Variants in TMEM116 observed in about 807,000 individuals in gnomAD.
TMEM116 encodes the protein transmembrane protein 116.
TMEM116 carries 38 observed loss-of-function variants against 44.3 expected under a neutral mutation model. The ratio of observed to expected loss-of-function variants is 0.86; its 90% CI spans 0.66 to 1.12. The LOEUF is 1.12. TMEM116 is among the 50% of genes most tolerant of loss of function. The probability of loss-of-function intolerance (pLI) is 0.00; values close to 1 mark genes in which losing one functional copy is unlikely to be tolerated. For missense variants in TMEM116, 354 were observed against 401.7 expected, an observed-to-expected ratio of 0.88 and a Z score of 1.01; for synonymous variants, 132 against 144.8, an observed-to-expected ratio of 0.91 and a Z score of 0.64.
intron 8 of TMEM116, 104 bp from the exon 9 acceptor site, chr12:111,934,134 A>C: frequency 4.7e-6 from 6 of 1,278,430 alleles, no homozygotes; most frequent in Admixed American, 2.5e-5. Flanking sequence ...GAATCTCACA[A>C]CAGGAACGAC....
Position 111,931,676 on chromosome 12 carries a change from A to C in TMEM116, c.959T>G (p.Leu320Ter). The C allele has an allele frequency of 6.2e-7, 1 of 1,614,204 alleles. No individual in the cohort carries two copies. Among genetic ancestry groups the C allele is most frequent in the Non-Finnish European group, 8.5e-7 (1 of 1,180,030 alleles). The change falls in exon 11 of 11, where the codon TTA (leucine) becomes TGA (stop). Residue 320 changes from leucine to a stop codon, truncating the protein, a stop_gained. Transcript: ENST00000552374. LOFTEE classifies it high-confidence loss of function. ...AGTCAGGGTGGATTCCAGTGAATTT[A>C]AGCCCCTGCTATAGAATCTCTTCTG... The part of the protein sequence containing the change: ...CSQKRFYSRG[L>*]NSLESTLTFP...
At chr12:111,943,504 A>G in intron 4 of TMEM116, 135 bp from the exon 5 acceptor site, 1 of 647,698 alleles carries the variant, frequency 1.5e-6, no homozygotes, top group Non-Finnish European at 2.7e-6. Context: ...TAGTGTCCAT[A>G]CCAGGCAAAA....
chr12:111,958,289 A>T (rs1471894168), intron 4 of TMEM116, among the ~76,000 whole-genome samples: 2 of 133,340 alleles, frequency 1.5e-5, no homozygotes, highest in Admixed American at 9.0e-5. Flanking sequence ...AAAAAAAAAA[A>T]AAAAAAAAAA....
chr12:111,993,111 C>G (rs570185926), intron 3 of TMEM116: 76 of 217,938 alleles, frequency 3.5e-4, no homozygotes, highest in South Asian at 2.6e-3. Context: ...AAGGCCCCCC[C>G]ACTGCTCTCT....
At chr12:111,932,537 T>C (rs1363831797) in intron 10 of TMEM116, 49 bp downstream of exon 10, 1 of 1,485,766 alleles carries the variant, frequency 6.7e-7, no homozygotes, top group Middle Eastern at 1.7e-4. Flanking sequence ...TATAAGAAAA[T>C]AGGATAAGCG....
At chr12:111,972,076 G>GAAAA (rs762088997) in intron 4 of TMEM116, among the ~76,000 whole-genome samples, 676 of 57,168 alleles carry the variant, frequency 0.012, 7 homozygotes, top group African/African-American at 0.032. Context: ...CCCTATCTGT[G>GAAAA]AAAAAAAAAA....
At chr12:111,984,830 C>CA (rs1160813750) in intron 4 of TMEM116, among the ~76,000 whole-genome samples, 1 of 151,572 alleles carries the variant, frequency 6.6e-6, no homozygotes, top group Non-Finnish European at 1.5e-5. Flanking sequence ...TATGTACCCA[C>CA]AAAATTAAAA....
In TMEM116 at chr12:111,937,263, TCACCCTAATATC is replaced by T. The variant is rs1565868126; in HGVS notation, c.366-32_366-21del. 6.3e-7 allele frequency: 1 copy of T among 1,590,086 alleles called. No homozygotes were observed. The highest frequency in any genetic ancestry group is 8.6e-7 in the Non-Finnish European group (1 of 1,158,590). On this transcript the variant is annotated intron_variant, in intron 6 of 10. Coordinates refer to ENST00000552374, the MANE Select transcript of TMEM116 (RefSeq NM_001193531.2). ...ATCAGGCTGGGAGGGAAAAAAAGTA[TCACCCTAATATC>T]CACTCTTTTTCATGCCCTTCCTCCT...
At chr12:111,980,424 A>G (rs927655808) in intron 4 of TMEM116, among the ~76,000 whole-genome samples, 2 of 150,036 alleles carry the variant, frequency 1.3e-5, no homozygotes, top group African/African-American at 5.0e-5. Context: ...GAGTGTGCGA[A>G]AGATGAATAT....
At chr12:112,005,843 C>A in intron 1 of TMEM116, 1 of 898,412 alleles carries the variant, frequency 1.1e-6, no homozygotes, top group Non-Finnish European at 1.3e-6. Context: ...AACAGAGAAA[C>A]TGAAGAAAAG....
At chr12:111,979,043 A>G (rs76751969) in intron 4 of TMEM116, among the ~76,000 whole-genome samples, 2,265 of 152,344 alleles carry the variant, frequency 0.015, 63 homozygotes, top group African/African-American at 0.051. Context: ...TGTAAAACAC[A>G]AAAGTTCTAT....
chr12:111,954,238 G>C (rs2136331713), intron 4 of TMEM116, among the ~76,000 whole-genome samples: 1 of 152,286 alleles, frequency 6.6e-6, no homozygotes, highest in Non-Finnish European at 1.5e-5. Context: ...GTCACTGAGG[G>C]AGTGAGACTA....
chr12:111,941,234 G>A (rs2072787840), intron 5 of TMEM116, among the ~76,000 whole-genome samples: 1 of 152,076 alleles, frequency 6.6e-6, no homozygotes, highest in Non-Finnish European at 1.5e-5. Flanking sequence ...AAATTAGCTG[G>A]GTGTGGTGGC....
rs1200741265 is a variant in TMEM116, at chr12:111,991,948, T to C, written c.79-59A>G. 2.7e-6 allele frequency: 4 copies of C among 1,477,036 alleles called. No homozygotes were observed. In the African/African-American group the frequency reaches 4.2e-5, roughly 16 times the overall value. 91.5% of individuals were successfully genotyped at this position (1,477,036 alleles called of 1,614,324 possible). A position where few individuals can be genotyped will look rare whatever the true frequency, so the allele number is the denominator to read the frequency against. On this transcript the variant is annotated intron_variant, in intron 3 of 10. Transcript: ENST00000552374. ...GATGTAGCTAGGAGAATGTTAACAA[T>C]GTAACAGTTCTTACATTTTATGTTT...
intron 4 of TMEM116, among the ~76,000 whole-genome samples, chr12:111,986,980 T>C (rs771993551): frequency 2.6e-5 from 4 of 152,162 alleles, no homozygotes; most frequent in Non-Finnish European, 4.4e-5. Flanking sequence ...CTTCATAATG[T>C]TGGATTTGAA....
At chr12:111,969,761 G>T (rs147864869) in intron 4 of TMEM116, among the ~76,000 whole-genome samples, 3,732 of 149,236 alleles carry the variant, frequency 0.025, 159 homozygotes, top group African/African-American at 0.086. Flanking sequence ...TTGTATTTTA[G>T]TAGAGACGGG....
chr12:111,933,491 T>G (rs2071831897), intron 9 of TMEM116, among the ~76,000 whole-genome samples: 1 of 143,434 alleles, frequency 7.0e-6, no homozygotes, highest in Admixed American at 7.0e-5. Flanking sequence ...CCATCCTTCT[T>G]TTTTTTTTTT....
intron 4 of TMEM116, among the ~76,000 whole-genome samples, chr12:111,957,968 C>A (rs1175725289): frequency 2.0e-5 from 3 of 152,166 alleles, no homozygotes; most frequent in African/African-American, 4.8e-5. Flanking sequence ...TAATCTATAA[C>A]CTTACCCCCA....
intron 4 of TMEM116, among the ~76,000 whole-genome samples, chr12:111,989,837 G>C (rs1442290113): frequency 1.3e-5 from 2 of 152,144 alleles, no homozygotes; most frequent in Non-Finnish European, 2.9e-5. Context: ...GATGGAAACA[G>C]GAATGCTTGT....
Sources: gnomAD v4.1 joint callset for allele counts (sites outside exome capture counted in the v4.1 genomes callset) on GRCh38, gnomAD v4.1.1 for gene constraint, MANE v1.5 for transcripts, NCBI Gene and HGNC (gene_info 2026-07-23, HGNC 2026-07-21) for gene names.